TBC1D9: variants seen among roughly 807,000 people sequenced by gnomAD.
TBC1D9 encodes TBC1 domain family member 9.
Under a neutral mutation model 132.0 loss-of-function variants are expected in TBC1D9, and 63 were observed. The ratio of observed to expected loss-of-function variants is 0.48; its 90% CI spans 0.39 to 0.59. The LOEUF is 0.59. Among genes scored for constraint, TBC1D9 ranks in the 20% least tolerant of loss-of-function variants. The probability of loss-of-function intolerance (pLI) is 0.00; values close to 1 mark genes in which losing one functional copy is unlikely to be tolerated. For missense variants in TBC1D9, 1,261 were observed against 1,592.7 expected (o/e 0.79, Z 3.54); for synonymous variants, 610 against 609.9 (o/e 1.00, Z 0.00).
At chr4:140,656,064 C>T (rs144453023) in intron 13 of TBC1D9, among the ~76,000 whole-genome samples, 209 of 152,244 alleles carry the variant, frequency 1.4e-3, no homozygotes, top group African/African-American at 4.8e-3. Context: ...CCCATTAAGA[C>T]ATCCAGGCTC....
chr4:140,701,502 A>T lies in TBC1D9; in HGVS notation c.241+2T>A. ...TGTGTATTTCTGGATGTGGTTGCTT[A>T]CCACAGGCGATGGTCCAGTAGACCA... On this transcript the variant is annotated splice_donor_variant, in intron 2 of 20. Transcript: ENST00000442267. LOFTEE classifies it high-confidence loss of function. The T allele has an allele frequency of 1.2e-6, 2 of 1,611,952 alleles. No individual in the cohort carries two copies. Among genetic ancestry groups the T allele is most frequent in the Non-Finnish European group, 1.7e-6 (2 of 1,178,228 alleles).
intron 3 of TBC1D9, among the ~76,000 whole-genome samples, chr4:140,681,368 C>A (rs907093935): frequency 6.6e-6 from 1 of 152,192 alleles, no homozygotes; most frequent in African/African-American, 2.4e-5. Flanking sequence ...GTATTGAAAT[C>A]ATTTCCTGAG....
At chr4:140,712,729 T>G (rs923102177) in intron 1 of TBC1D9, among the ~76,000 whole-genome samples, 1 of 144,794 alleles carries the variant, frequency 6.9e-6, no homozygotes, top group African/African-American at 2.6e-5. Flanking sequence ...GGCAAGAGAG[T>G]GAGACTCCAT....
intron 1 of TBC1D9, among the ~76,000 whole-genome samples, chr4:140,750,878 C>A (rs1193101992): frequency 6.6e-6 from 1 of 151,722 alleles, no homozygotes; most frequent in African/African-American, 2.4e-5. Context: ...TTTTTTACTT[C>A]ATAATGATGT....
intron 10 of TBC1D9, 65 bp downstream of exon 10, chr4:140,661,828 A>T: frequency 7.2e-7 from 1 of 1,379,808 alleles, no homozygotes; most frequent in Non-Finnish European, 1.0e-6. Context: ...CCTTCCCACT[A>T]TTTGCTGCCA....
At chr4:140,658,642 T>C (rs1309288313) in intron 11 of TBC1D9, among the ~76,000 whole-genome samples, 2 of 152,044 alleles carry the variant, frequency 1.3e-5, no homozygotes, top group African/African-American at 4.8e-5. Context: ...AAACCCTATC[T>C]CTACTGAAAA....
chr4:140,689,502 TCCTTCCCTTCCCCCTTTTC>T (rs1737842265), intron 2 of TBC1D9, among the ~76,000 whole-genome samples: 1 of 86,260 alleles, frequency 1.2e-5, no homozygotes, highest in South Asian at 5.3e-4. Context: ...CTTCCCCCTT[TCCTTCCCTTCCCCCTTTTC>T]CCTTCCATTC....
rs574173519 is a variant in TBC1D9, at chr4:140,637,120, G to C, written c.2505+1966C>G. On this transcript the variant is annotated intron_variant, in intron 15 of 20. Coordinates refer to ENST00000442267, the MANE Select transcript of TBC1D9 (RefSeq NM_015130.3). ...TAATCCCAGCACTTTGGGAGGCCAA[G>C]GCAGGCAGATCACAAGGTCAGGAGT... is the stretch of plus-strand genomic sequence containing the variant. Among the ~76,000 whole-genome samples, 6 of 152,298 alleles carry C rather than the reference G, an allele frequency of 3.9e-5. No individual in the cohort carries two copies. In the East Asian group the frequency reaches 1.2e-3, roughly 29 times the overall value.
At chr4:140,691,083 G>C (rs1307951665) in intron 2 of TBC1D9, among the ~76,000 whole-genome samples, 1 of 152,128 alleles carries the variant, frequency 6.6e-6, no homozygotes, top group Non-Finnish European at 1.5e-5. Flanking sequence ...AGGTGTTCCA[G>C]CTCCAGGTTC....
At chr4:140,637,589 T>C (rs1305583222) in intron 15 of TBC1D9, among the ~76,000 whole-genome samples, 1 of 152,194 alleles carries the variant, frequency 6.6e-6, no homozygotes, top group Non-Finnish European at 1.5e-5. Flanking sequence ...CTTCTGGTCC[T>C]CAGCATCCCT....
chr4:140,629,700 C>T (rs1560865429), intron 16 of TBC1D9, among the ~76,000 whole-genome samples: 3 of 152,154 alleles, frequency 2.0e-5, no homozygotes, highest in Admixed American at 2.0e-4. Flanking sequence ...CTTGACCACT[C>T]CAGGAAATAG....
At chr4:140,690,676 G>A (rs1328582860) in intron 2 of TBC1D9, among the ~76,000 whole-genome samples, 1 of 152,092 alleles carries the variant, frequency 6.6e-6, no homozygotes, top group Non-Finnish European at 1.5e-5. Context: ...CTGCCAAAAG[G>A]GGTTTTGGAA....
At chr4:140,667,807 A>G (rs1410903924) in intron 9 of TBC1D9, among the ~76,000 whole-genome samples, 2 of 152,222 alleles carry the variant, frequency 1.3e-5, no homozygotes, top group African/African-American at 2.4e-5. Context: ...CTAGTTTTAC[A>G]TGAAATAGAC....
chr4:140,706,903 A>G lies in TBC1D9; in HGVS notation c.131-5289T>C, dbSNP rs561389356. 2.2e-3 allele frequency among the ~76,000 whole-genome samples: 337 copies of G among 152,314 alleles called. No homozygotes were observed. Among genetic ancestry groups the G allele is most frequent in the African/African-American group, 7.8e-3 (323 of 41,580 alleles). ...CTTATCTGTTTTCCTAGTAAAGGAC[A>G]TTGGATCTATCCACACTTTTTGCTC... On this transcript the variant is annotated intron_variant, in intron 1 of 20. Transcript: ENST00000442267. The surrounding 1 kb of genome is among the most constrained non-coding windows in gnomAD (Gnocchi z 4.0).
chr4:140,682,771 C>A (rs933256258), intron 3 of TBC1D9, among the ~76,000 whole-genome samples: 1 of 152,020 alleles, frequency 6.6e-6, no homozygotes, highest in Non-Finnish European at 1.5e-5. Flanking sequence ...AGCGCTCTTA[C>A]CTAAAGTCAA....
intron 2 of TBC1D9, among the ~76,000 whole-genome samples, chr4:140,688,881 C>T (rs1351320945): frequency 3.9e-5 from 6 of 152,152 alleles, no homozygotes; most frequent in African/African-American, 1.2e-4. Flanking sequence ...ATTTTAAATA[C>T]TAACTGGAAA....
rs1737518405 is a variant in TBC1D9, at chr4:140,670,489, G to A, written c.1266+231C>T. On this transcript the variant is annotated intron_variant, in intron 7 of 20. Coordinates refer to ENST00000442267, the MANE Select transcript of TBC1D9 (RefSeq NM_015130.3). ...TATGTAACTAGAACAGATTACTTAA[G>A]AATTTCTTCAACTATAAAATAAAAG... The A allele has an allele frequency of 9.6e-6, 5 of 520,412 alleles. No homozygotes were observed. The South Asian group carries it at 1.2e-4, about 12-fold the overall frequency. The allele number at this position is 520,412 out of a possible 1,614,324, so 32.2% of individuals were successfully genotyped here.
At chr4:140,648,168 G>A (rs1216357113) in intron 13 of TBC1D9, among the ~76,000 whole-genome samples, 1 of 152,056 alleles carries the variant, frequency 6.6e-6, no homozygotes, top group East Asian at 1.9e-4. Flanking sequence ...GGAGGTGAGG[G>A]AGCCTATAAT....
intron 1 of TBC1D9, among the ~76,000 whole-genome samples, chr4:140,704,146 C>T (rs1738114007): frequency 6.6e-6 from 1 of 152,038 alleles, no homozygotes; most frequent in Non-Finnish European, 1.5e-5. Flanking sequence ...ACCTGCAATC[C>T]CAGCACTTTG....
Sources: gnomAD v4.1 joint callset for allele counts (sites outside exome capture counted in the v4.1 genomes callset) on GRCh38, gnomAD v4.1.1 for gene constraint, Gnocchi (gnomAD v3.1) non-coding constraint, MANE v1.5 for transcripts, NCBI Gene and HGNC (gene_info 2026-07-23, HGNC 2026-07-21) for gene names.